The following DNAH8 variants were observed in gnomAD, a reference collection of about 807,000 sequenced individuals.
The protein encoded by DNAH8 is axonemal beta dynein heavy chain 8.
A neutral mutation model predicts 562.1 loss-of-function variants in DNAH8; 382 were observed. The ratio of observed to expected loss-of-function variants is 0.68; its 90% confidence interval spans 0.63 to 0.74. DNAH8 has a LOEUF of 0.74. Among genes scored for constraint, DNAH8 ranks in the 30% least tolerant of loss-of-function variants. The pLI is 0.00. For synonymous variants in DNAH8, 1,881 were observed against 1,919.4 expected, an observed-to-expected ratio of 0.98 and a Z score of 0.52; for missense variants, 5,203 against 5,620.4, an observed-to-expected ratio of 0.93 and a Z score of 2.37.
intron 3 of DNAH8, among the ~76,000 whole-genome samples, chr6:38,727,485 T>C (rs1271972908): frequency 6.6e-6 from 1 of 152,220 alleles, no homozygotes; most frequent in Non-Finnish European, 1.5e-5. Flanking sequence ...TATAGCTCCC[T>C]GAGCAGCCTG....
At chr6:38,777,234 C>T (rs1254904954) in intron 13 of DNAH8, among the ~76,000 whole-genome samples, 2 of 151,920 alleles carry the variant, frequency 1.3e-5, no homozygotes, top group Admixed American at 1.3e-4. Context: ...CAAAATGCTT[C>T]GAAAGTTAAA....
At chr6:38,907,894 G>A (rs1780602207) in intron 63 of DNAH8, 62 bp from the exon 64 acceptor site, 3 of 1,319,298 alleles carry the variant, frequency 2.3e-6, no homozygotes, top group African/African-American at 3.0e-5. Context: ...CTGGACTTTG[G>A]CAGTGAATTG....
At chr6:38,730,639 C>T (rs1386506570) in intron 4 of DNAH8, among the ~76,000 whole-genome samples, 1 of 152,186 alleles carries the variant, frequency 6.6e-6, no homozygotes, top group Non-Finnish European at 1.5e-5. Flanking sequence ...ATCAGATTCT[C>T]CCTCTGAAAT....
At position 38,898,663 on chromosome 6, in the gene DNAH8, G is replaced by C. The variant is rs141342430; in HGVS notation, c.9063+283G>C. ...AACAAGAAAGTATGGAGAACCTTTA[G>C]AAAGTATGGAGAACCCTGTGAAAAA... On this transcript the variant is annotated intron_variant, in intron 61 of 92. Transcript: ENST00000327475. Among the ~76,000 whole-genome samples, 189 of 152,264 alleles carry C rather than the reference G, an allele frequency of 1.2e-3. 1 individual carries two copies. Among genetic ancestry groups the C allele is most frequent in the African/African-American group, 4.3e-3 (180 of 41,546 alleles).
chr6:39,028,949 C>T (rs192011535), intron 92 of DNAH8, among the ~76,000 whole-genome samples: 3 of 152,342 alleles, frequency 2.0e-5, no homozygotes, highest in Non-Finnish European at 2.9e-5. Flanking sequence ...TACTGTCTTT[C>T]GTTCTAATCA....
chr6:38,883,166 A>T, intron 54 of DNAH8, 114 bp downstream of exon 54: 1 of 1,341,184 alleles, frequency 7.5e-7, no homozygotes, highest in Non-Finnish European at 1.0e-6. Context: ...TTAAATCTGT[A>T]ATACAACTGG....
rs184788754 is a variant in DNAH8, at chr6:38,968,309, A to G, written c.12452-3283A>G. Among the ~76,000 whole-genome samples the G allele has an allele frequency of 3.4e-3, 512 of 152,324 alleles. 2 individuals are homozygous for G. The highest frequency in any genetic ancestry group is 5.5e-3 in the Non-Finnish European group (372 of 68,004). ...TATTGATAAATTGGACTTCATCAAA[A>G]TGTAAAACTTTGTGCTTCAGAGGGC... On this transcript the variant is annotated intron_variant, in intron 82 of 92. Transcript: ENST00000327475.
intron 6 of DNAH8, among the ~76,000 whole-genome samples, chr6:38,737,545 A>G (rs548839228): frequency 2.4e-4 from 37 of 151,554 alleles, no homozygotes; most frequent in African/African-American, 8.4e-4. Context: ...TTAAAAATCT[A>G]TACTTTTATT....
chr6:39,014,814 A>G (rs1264925511), intron 91 of DNAH8, among the ~76,000 whole-genome samples: 3 of 152,158 alleles, frequency 2.0e-5, no homozygotes, highest in South Asian at 2.1e-4. Context: ...AGTATGAAAA[A>G]TCTTCCGGGG....
At chr6:38,949,703 C>G (rs1201441288) in intron 81 of DNAH8, 133 bp downstream of exon 81, 13 of 620,354 alleles carry the variant, frequency 2.1e-5, no homozygotes, top group Non-Finnish European at 3.4e-5. Flanking sequence ...TACTTTTGTG[C>G]CAACCTAATA....
At chr6:38,750,075 G>A (rs1488897051) in intron 8 of DNAH8, among the ~76,000 whole-genome samples, 2 of 152,130 alleles carry the variant, frequency 1.3e-5, no homozygotes, top group Non-Finnish European at 2.9e-5. Context: ...CTTGTGATCC[G>A]CCCACCTTGG....
chr6:38,877,216 C>T (rs1401225599), intron 53 of DNAH8, among the ~76,000 whole-genome samples: 7 of 152,128 alleles, frequency 4.6e-5, no homozygotes, highest in Non-Finnish European at 8.8e-5. Flanking sequence ...CAGCAATTTT[C>T]CAACCATGGC....
chr6:38,805,618 C>A, intron 23 of DNAH8, 22 bp downstream of exon 23: 1 of 1,318,910 alleles, frequency 7.6e-7, no homozygotes, highest in South Asian at 1.2e-5. Flanking sequence ...GGAACAACTT[C>A]ATGCAATTCA....
Position 38,976,653 on chromosome 6 carries a change from T to A in DNAH8, c.12834+2124T>A, listed in dbSNP as rs1454605712. 2.0e-5 allele frequency among the ~76,000 whole-genome samples: 3 copies of A among 152,210 alleles called. No homozygotes were observed. The East Asian group carries it at 5.8e-4, about 29-fold the overall frequency. ...TGTACCAAGATACCTACATGATTTGTATGCACCTGAATGTCTGAGACTCAA... is the reference window on the plus strand; with the variant it reads ...TGTACCAAGATACCTACATGATTTGAATGCACCTGAATGTCTGAGACTCAA... On this transcript the variant is annotated intron_variant, in intron 85 of 92. Transcript: ENST00000327475.
At chr6:39,020,434 T>C (rs1766838004) in intron 91 of DNAH8, among the ~76,000 whole-genome samples, 1 of 152,188 alleles carries the variant, frequency 6.6e-6, no homozygotes, top group African/African-American at 2.4e-5. Flanking sequence ...TTTTAACACA[T>C]ACTACTGCCT....
intron 57 of DNAH8, among the ~76,000 whole-genome samples, chr6:38,887,756 C>G (rs772677908): frequency 1.3e-5 from 2 of 151,512 alleles, no homozygotes; most frequent in East Asian, 3.9e-4. Flanking sequence ...CTTACATACA[C>G]GAGAAACAGA....
At chr6:39,019,181 G>T (rs1319283045) in intron 91 of DNAH8, among the ~76,000 whole-genome samples, 2 of 152,106 alleles carry the variant, frequency 1.3e-5, no homozygotes, top group Admixed American at 6.5e-5. Context: ...CAGGGAGGAG[G>T]TAAAAGAGGC....
intron 4 of DNAH8, among the ~76,000 whole-genome samples, chr6:38,731,424 C>A (rs1008916728): frequency 3.3e-5 from 5 of 151,802 alleles, no homozygotes; most frequent in Admixed American, 6.6e-5. Context: ...ATACATTTAT[C>A]CAATCAAAAT....
At chr6:39,010,995 G>C (rs10484851) in intron 89 of DNAH8, among the ~76,000 whole-genome samples, 2 of 151,938 alleles carry the variant, frequency 1.3e-5, no homozygotes, top group African/African-American at 4.8e-5. Context: ...AGGTTGCTAC[G>C]TCGGACTGCG....
Sources: allele counts gnomAD v4.1 joint callset (sites outside exome capture counted in the v4.1 genomes callset), GRCh38; gene constraint gnomAD v4.1.1; transcripts MANE v1.5; gene names NCBI Gene and HGNC (gene_info 2026-07-23, HGNC 2026-07-21).